DNAH11: variants seen among roughly 807,000 people sequenced by gnomAD.
The protein encoded by DNAH11 is dynein axonemal heavy chain 11, also known as axonemal beta dynein heavy chain 11.
DNAH11 carries 442 observed loss-of-function variants against 526.0 expected under a neutral mutation model. The ratio of observed to expected loss-of-function variants is 0.84; its 90% CI spans 0.78 to 0.91. DNAH11 has a LOEUF of 0.91. DNAH11 is among the 40% of genes least tolerant of loss of function. The pLI is 0.00. For missense variants in DNAH11, 6,989 were observed against 5,448.7 expected (o/e 1.28, Z -8.90); for synonymous variants, 2,461 against 1,935.9 (o/e 1.27, Z -7.12).
Position 21,789,897 on chromosome 7 carries a change from C to CCCCT in DNAH11, c.10026+572_10026+575dup, listed in dbSNP as rs796797693. ...CTTTCTTTCTTTCTTTCTTTCCTTTCCCCTCCCTCCCTCCCTCCCTTCCTT... is the reference window on the plus strand; with the variant it reads ...CTTTCTTTCTTTCTTTCTTTCCTTTCCCCTCCCTCCCTCCCTCCCTCCCTTCCTT... On this transcript the variant is annotated intron_variant, in intron 61 of 81. Coordinates refer to ENST00000409508, the MANE Select transcript of DNAH11 (RefSeq NM_001277115.2). Among the ~76,000 whole-genome samples the CCCCT allele has an allele frequency of 9.8e-3, 1,266 of 129,100 alleles. 26 individuals are homozygous for CCCCT. The highest frequency in any genetic ancestry group is 0.038 in the African/African-American group (1,214 of 31,984). 84.7% of individuals were successfully genotyped at this position (129,100 alleles called of 152,430 possible).
intron 30 of DNAH11, among the ~76,000 whole-genome samples, chr7:21,670,754 A>G (rs910507679): frequency 2.6e-5 from 4 of 152,160 alleles, no homozygotes; most frequent in African/African-American, 7.2e-5. Context: ...GCTTTCTCCA[A>G]TCTCATGAGA....
At chr7:21,658,756 A>G (rs777543658) in intron 29 of DNAH11, 42 bp from the exon 30 acceptor site, 1 of 1,469,228 alleles carries the variant, frequency 6.8e-7, no homozygotes, top group Non-Finnish European at 9.1e-7. Context: ...TTATCCTTCC[A>G]TAGTTAAGCC....
rs763657340 is a variant in DNAH11, at chr7:21,873,394, G to A, written c.12088G>A (p.Glu4030Lys). 10 of 1,613,852 alleles carry A rather than the reference G, an allele frequency of 6.2e-6. No homozygotes were observed. The highest frequency in any genetic ancestry group is 7.6e-6 in the Non-Finnish European group (9 of 1,179,884). ...MSAESAPTPD[E>K]HIIPQGLLEN... The stretch of plus-strand genomic sequence containing the variant: ...TGCTGAGTCTGCACCTACACCAGAT[G>A]AGCATATCATCCCTCAAGGACTCCT... Residue 4030 changes from glutamate (E) to lysine (K), a missense_variant, in exon 74 of 82, where the codon GAG (glutamate) becomes AAG (lysine). Physicochemically the swap from Glu to Lys is moderately conservative, Grantham distance 56. Transcript: ENST00000409508.
intron 45 of DNAH11, among the ~76,000 whole-genome samples, chr7:21,731,615 A>T (rs1785389326): frequency 6.6e-6 from 1 of 152,234 alleles, no homozygotes; most frequent in Non-Finnish European, 1.5e-5. Context: ...GCAAACCTGT[A>T]CAGTAGTCCC....
intron 30 of DNAH11, among the ~76,000 whole-genome samples, chr7:21,661,780 C>T (rs191769487): frequency 2.6e-4 from 40 of 152,094 alleles, no homozygotes; most frequent in African/African-American, 8.4e-4. Context: ...GTACTTGCAT[C>T]GTAGGATCAT....
rs1009245965 is a variant in DNAH11, at chr7:21,543,121, G to A, written c.-125G>A. ...TAAGTAGCAGCAGGTGGGAGACTAG[G>A]GTCTGCGCTCGCGGCGACCGCGGAG... On this transcript the variant is annotated 5_prime_UTR_variant, in exon 1 of 82. Transcript: ENST00000409508. 1.4e-6 allele frequency: 2 copies of A among 1,432,644 alleles called. No homozygotes were observed. The highest frequency in any genetic ancestry group is 1.5e-5 in the South Asian group (1 of 65,746). The allele number at this position is 1,432,644 out of a possible 1,614,324, so 88.7% of individuals were successfully genotyped here. A position where few individuals can be genotyped will look rare whatever the true frequency, so the allele number is the denominator to read the frequency against.
intron 28 of DNAH11, among the ~76,000 whole-genome samples, chr7:21,639,781 A>T (rs1390411995): frequency 1.3e-5 from 2 of 152,206 alleles, no homozygotes; most frequent in East Asian, 3.9e-4. Context: ...TGTGGCTGAC[A>T]TAGCTGGTCA....
rs1274451820 is a variant in DNAH11 at position 21,686,353 on chromosome 7, T to A, written c.5622-746T>A. Among the ~76,000 whole-genome samples the A allele has an allele frequency of 2.0e-5, 3 of 152,338 alleles. No homozygotes were observed. In the East Asian group the frequency reaches 5.8e-4, roughly 29 times the overall value. On this transcript the variant is annotated intron_variant, in intron 32 of 81. Transcript: ENST00000409508. Reference sequence around the variant, plus strand: ...TGTGTATATCATTCACTAGACCTGCTGTCTGTACTAAGAGAAAAACAATTT... The same window carrying A: ...TGTGTATATCATTCACTAGACCTGCAGTCTGTACTAAGAGAAAAACAATTT...
chr7:21,658,034 T>G (rs1310175670), intron 29 of DNAH11, among the ~76,000 whole-genome samples: 1 of 152,160 alleles, frequency 6.6e-6, no homozygotes, highest in African/African-American at 2.4e-5. Flanking sequence ...AAATAATATA[T>G]GTATCACTTT....
At chr7:21,706,210 C>G (rs1784256545) in intron 39 of DNAH11, among the ~76,000 whole-genome samples, 1 of 151,766 alleles carries the variant, frequency 6.6e-6, no homozygotes, top group Non-Finnish European at 1.5e-5. Flanking sequence ...TATTATTATC[C>G]CCATTTTTAG....
intron 47 of DNAH11, among the ~76,000 whole-genome samples, 199 bp downstream of exon 47, chr7:21,739,065 A>T (rs1039882825): frequency 6.6e-6 from 1 of 152,166 alleles, no homozygotes; most frequent in African/African-American, 2.4e-5. Context: ...ATTAAGTGTA[A>T]TAGTTTCCCT....
At position 21,789,808 on chromosome 7, in the gene DNAH11, T is replaced by TCTTCTTTCTTTC; in HGVS notation, c.10026+466_10026+467insCTTCTTTCTTTC. On this transcript the variant is annotated intron_variant, in intron 61 of 81. Transcript: ENST00000409508. ...TTCTTTCTTTCTTTCTTTCTTTCTT[T>TCTTCTTTCTTTC]TTTCTTTCTTTCTTTCTTTCTTTCT... Among the ~76,000 whole-genome samples the TCTTCTTTCTTTC allele has an allele frequency of 1.2e-3, 40 of 34,126 alleles. 2 individuals are homozygous for TCTTCTTTCTTTC. The highest frequency in any genetic ancestry group is 3.0e-3 in the African/African-American group (38 of 12,666). 22.4% of individuals were successfully genotyped at this position (34,126 alleles called of 152,430 possible). A position where few individuals can be genotyped will look rare whatever the true frequency, so the allele number is the denominator to read the frequency against.
chr7:21,590,364 T>C (rs1784628458), intron 12 of DNAH11, among the ~76,000 whole-genome samples: 1 of 152,202 alleles, frequency 6.6e-6, no homozygotes, highest in African/African-American at 2.4e-5. Flanking sequence ...GGCAAGCTTA[T>C]AAGAATATCT....
chr7:21,594,740 G>GT (rs1316838521), intron 14 of DNAH11, among the ~76,000 whole-genome samples: 2 of 152,098 alleles, frequency 1.3e-5, no homozygotes, highest in East Asian at 3.9e-4. Flanking sequence ...GGAAGTAAGT[G>GT]TGGGGGGAGT....
intron 63 of DNAH11, among the ~76,000 whole-genome samples, chr7:21,809,218 T>A (rs1379211291): frequency 6.6e-6 from 1 of 152,212 alleles, no homozygotes; most frequent in Non-Finnish European, 1.5e-5. Context: ...CTTTGTCCAT[T>A]TTACGATCAA....
intron 25 of DNAH11, among the ~76,000 whole-genome samples, chr7:21,628,337 A>G (rs549557479): frequency 2.6e-5 from 4 of 152,276 alleles, no homozygotes; most frequent in Admixed American, 2.6e-4. Flanking sequence ...ATTGAATACA[A>G]AGAGTGAAAA....
At chr7:21,846,675 T>G (rs1215551171) in intron 66 of DNAH11, among the ~76,000 whole-genome samples, 4 of 152,142 alleles carry the variant, frequency 2.6e-5, no homozygotes, top group Non-Finnish European at 5.9e-5. Flanking sequence ...TTTTGTTTTT[T>G]CCTGTAATGG....
intron 45 of DNAH11, among the ~76,000 whole-genome samples, chr7:21,726,276 A>G (rs1785101722): frequency 1.3e-5 from 2 of 152,104 alleles, no homozygotes; most frequent in South Asian, 2.1e-4. Context: ...CACTTTCATT[A>G]GAATAGTACC....
intron 43 of DNAH11, among the ~76,000 whole-genome samples, chr7:21,719,020 T>C (rs1784777611): frequency 6.6e-6 from 1 of 152,200 alleles, no homozygotes; most frequent in Non-Finnish European, 1.5e-5. Flanking sequence ...CAAAAAAGCA[T>C]TATCGTGTTC....
Sources: allele counts gnomAD v4.1 joint callset (sites outside exome capture counted in the v4.1 genomes callset), GRCh38; gene constraint gnomAD v4.1.1; transcripts MANE v1.5; gene names NCBI Gene and HGNC (gene_info 2026-07-23, HGNC 2026-07-21).